Variants in SLC26A7 observed in about 807,000 individuals in gnomAD.
SLC26A7 encodes the protein anion exchange transporter.
SLC26A7 carries 59 observed loss-of-function variants against 82.5 expected under a neutral mutation model. The observed-to-expected ratio is 0.72, with a 90% confidence interval of 0.58 to 0.89. The LOEUF (loss-of-function observed/expected upper bound fraction) is 0.89, where lower values mean the gene tolerates loss of function less well. Among genes scored for constraint, SLC26A7 ranks in the 40% least tolerant of loss-of-function variants. The pLI, the probability that SLC26A7 is intolerant of heterozygous loss-of-function variation, is 0.00. For synonymous variants in SLC26A7, 271 were observed against 274.3 expected, an observed-to-expected ratio of 0.99 and a Z score of 0.12; for missense variants, 820 against 793.0, an observed-to-expected ratio of 1.03 and a Z score of -0.41.
At chr8:91,305,989 T>C (rs1812293879) in intron 4 of SLC26A7, among the ~76,000 whole-genome samples, 2 of 152,176 alleles carry the variant, frequency 1.3e-5, no homozygotes, top group African/African-American at 2.4e-5. Flanking sequence ...TTAATGAATG[T>C]ATGGAAAAGT....
In SLC26A7 at chr8:91,352,903, T is replaced by C; in HGVS notation, c.1221T>C (p.Cys407=). ...IGPLLYWLPM[C]VLASIIVVGL... The stretch of plus-strand genomic sequence containing the variant: ...TTCAACTTACGTTTTATTTCTAGTG[T>C]GTCCTTGCAAGCATTATTGTTGTGG... Residue 407 remains cysteine, a splice_region_variant and synonymous_variant, in exon 11 of 19, where the codon TGT becomes TGC. Coordinates refer to ENST00000276609, the MANE Select transcript of SLC26A7 (RefSeq NM_052832.4). 5.6e-6 allele frequency: 9 copies of C among 1,595,840 alleles called. No homozygotes were observed. Among genetic ancestry groups the C allele is most frequent in the Non-Finnish European group, 6.8e-6 (8 of 1,172,784 alleles).
At chr8:91,384,189 GA>G (rs1814737621) in intron 15 of SLC26A7, among the ~76,000 whole-genome samples, 1 of 152,090 alleles carries the variant, frequency 6.6e-6, no homozygotes. Flanking sequence ...ATTCCTTCTG[GA>G]GGGTCTAGAG....
At chr8:91,258,489 T>C (rs1810869059) in intron 2 of SLC26A7, among the ~76,000 whole-genome samples, 1 of 152,032 alleles carries the variant, frequency 6.6e-6, no homozygotes, top group Admixed American at 6.6e-5. Flanking sequence ...TTAACCAAGT[T>C]CTGTAAATTC....
intron 10 of SLC26A7, 127 bp from the exon 11 acceptor site, chr8:91,352,774 T>C: frequency 3.2e-6 from 2 of 631,946 alleles, no homozygotes; most frequent in Non-Finnish European, 5.3e-6. Context: ...TGCTTTTGTC[T>C]TCTAATCGGT....
chr8:91,355,312 A>G (rs775223890), intron 11 of SLC26A7, among the ~76,000 whole-genome samples: 7 of 152,118 alleles, frequency 4.6e-5, no homozygotes. Flanking sequence ...TTTTGATCGC[A>G]TAATCAGGAA....
At chr8:91,319,123 T>C (rs2130809604) in intron 5 of SLC26A7, among the ~76,000 whole-genome samples, 1 of 152,280 alleles carries the variant, frequency 6.6e-6, no homozygotes, top group East Asian at 1.9e-4. Flanking sequence ...TCGAAGTAAC[T>C]CAATGAATGG....
intron 5 of SLC26A7, among the ~76,000 whole-genome samples, chr8:91,333,101 T>A (rs1244653082): frequency 5.3e-5 from 8 of 152,146 alleles, no homozygotes; most frequent in African/African-American, 1.4e-4. Flanking sequence ...TCTCACCCTA[T>A]CTTTTTTGTG....
chr8:91,288,474 G>A (rs1286412648), intron 2 of SLC26A7, among the ~76,000 whole-genome samples: 1 of 152,064 alleles, frequency 6.6e-6, no homozygotes, highest in Non-Finnish European at 1.5e-5. Flanking sequence ...GTCTTTACAA[G>A]GAATAAAAAT....
At position 91,229,877 on chromosome 8, in the gene SLC26A7, C is replaced by T. The variant is rs374966868; in HGVS notation, c.-34+10872C>T. Among the ~76,000 whole-genome samples the T allele has an allele frequency of 3.3e-5, 5 of 152,268 alleles. No individual in the cohort carries two copies. The East Asian group carries it at 9.7e-4, about 29-fold the overall frequency. On this transcript the variant is annotated intron_variant, in intron 2 of 5. Coordinates refer to the SLC26A7 transcript ENST00000522862. ...ATATAGTAATGTCATAAACATTGCA[C>T]AGGGCACATTTGTACTAAAAAATTC...
At chr8:91,330,314 C>A (rs1187898973) in intron 5 of SLC26A7, among the ~76,000 whole-genome samples, 1 of 152,158 alleles carries the variant, frequency 6.6e-6, no homozygotes, top group East Asian at 1.9e-4. Flanking sequence ...CAACCTGATG[C>A]ACTGCCTTTA....
At chr8:91,390,418 G>C (rs987065420) in intron 16 of SLC26A7, among the ~76,000 whole-genome samples, 1 of 151,968 alleles carries the variant, frequency 6.6e-6, no homozygotes, top group Non-Finnish European at 1.5e-5. Flanking sequence ...TCTTTTTTTA[G>C]TAAATACTAA....
intron 18 of SLC26A7, chr8:91,394,652 C>A: frequency 1.8e-6 from 2 of 1,120,776 alleles, no homozygotes; most frequent in Non-Finnish European, 2.2e-6. Flanking sequence ...CTATTGTATA[C>A]AATCAGAACA....
chr8:91,289,984 C>A (rs527785362), intron 3 of SLC26A7, among the ~76,000 whole-genome samples: 1 of 152,052 alleles, frequency 6.6e-6, no homozygotes, highest in Non-Finnish European at 1.5e-5. Flanking sequence ...TTGCTGCTTT[C>A]TTGATAGCAA....
At position 91,377,197 on chromosome 8, in the gene SLC26A7, A is replaced by T. The variant is rs140787045; in HGVS notation, c.1675+7364A>T. 3.8e-3 allele frequency among the ~76,000 whole-genome samples: 582 copies of T among 152,288 alleles called. 2 individuals carry two copies. Among genetic ancestry groups the T allele is most frequent in the Non-Finnish European group, 6.0e-3 (411 of 68,024 alleles). ...TTTCTCCAAGTGCTTTCCTTCACAC[A>T]TACCAGCCCCCATCAGGGAGAACCT... On this transcript the variant is annotated intron_variant, in intron 15 of 18. Coordinates refer to ENST00000276609, the MANE Select transcript of SLC26A7 (RefSeq NM_052832.4).
At chr8:91,269,062 C>T (rs1251051145) in intron 2 of SLC26A7, among the ~76,000 whole-genome samples, 2 of 151,798 alleles carry the variant, frequency 1.3e-5, no homozygotes, top group Admixed American at 1.3e-4. Context: ...TTGTTGTAGT[C>T]ATTATTGTCT....
rs897832818 is a variant in SLC26A7, at chr8:91,306,942, A to G, written c.477+11239A>G. The stretch of plus-strand genomic sequence containing the variant: ...TCCAGAATCTACAATGAACTCAAAC[A>G]AATTTACAAGAAAAAAACAAACAAC... On this transcript the variant is annotated intron_variant, in intron 4 of 18. Transcript: ENST00000276609. Among the ~76,000 whole-genome samples, 113 of 150,574 alleles carry G rather than the reference A, an allele frequency of 7.5e-4. 1 individual carries two copies. The highest frequency in any genetic ancestry group is 1.2e-3 in the Non-Finnish European group (82 of 67,744).
At chr8:91,275,048 G>A (rs996684764) in intron 2 of SLC26A7, among the ~76,000 whole-genome samples, 10 of 151,956 alleles carry the variant, frequency 6.6e-5, no homozygotes, top group African/African-American at 1.5e-4. Context: ...CATATATTCC[G>A]TCTCTCTTCC....
At chr8:91,213,033 T>C (rs1265591948) in intron 1 of SLC26A7, among the ~76,000 whole-genome samples, 1 of 152,152 alleles carries the variant, frequency 6.6e-6, no homozygotes, top group African/African-American at 2.4e-5. Flanking sequence ...TCTATAATTT[T>C]TTTTCTTCTA....
Position 91,395,533 on chromosome 8 carries a change from C to A in SLC26A7, c.*436C>A, listed in dbSNP as rs181622435. The stretch of plus-strand genomic sequence containing the variant: ...CATAAAAACAACTTAGCAAATGTGC[C>A]ATTTTCACACAACTTCTCTCTGTAT... On this transcript the variant is annotated 3_prime_UTR_variant, in exon 19 of 19. Coordinates refer to ENST00000276609, the MANE Select transcript of SLC26A7 (RefSeq NM_052832.4). 6.2e-6 allele frequency: 1 copy of A among 161,116 alleles called. No homozygotes were observed. The highest frequency in any genetic ancestry group is 6.0e-5 in the Admixed American group (1 of 16,592). The allele number at this position is 161,116 out of a possible 1,614,324, so 10.0% of individuals were successfully genotyped here.
Sources: gnomAD v4.1 joint callset for allele counts (sites outside exome capture counted in the v4.1 genomes callset) on GRCh38, gnomAD v4.1.1 for gene constraint, MANE v1.5 for transcripts, NCBI Gene and HGNC (gene_info 2026-07-23, HGNC 2026-07-21) for gene names.